The following CCDC192 variants were observed in gnomAD, a reference collection of about 807,000 sequenced individuals.
CCDC192 encodes coiled-coil domain containing 192.
chr5:127,894,616 GA>G (rs746989580), intron 6 of CCDC192, among the ~76,000 whole-genome samples: 1 of 152,144 alleles, frequency 6.6e-6, no homozygotes, highest in Non-Finnish European at 1.5e-5. Context: ...TATTCCCTTT[GA>G]AAATGAATAA....
intron 2 of CCDC192, among the ~76,000 whole-genome samples, chr5:127,752,361 A>C (rs1754240271): frequency 6.6e-6 from 1 of 152,070 alleles, no homozygotes. Flanking sequence ...GGTCTGTTGG[A>C]GTACCCTGCC....
intron 3 of CCDC192, among the ~76,000 whole-genome samples, chr5:127,794,050 T>A (rs1757026929): frequency 6.6e-6 from 1 of 152,222 alleles, no homozygotes. Flanking sequence ...GTGGGATAGC[T>A]GTAGTAGCAT....
intron 6 of CCDC192, among the ~76,000 whole-genome samples, chr5:127,910,321 G>A (rs1172369429): frequency 6.6e-6 from 1 of 152,168 alleles, no homozygotes; most frequent in African/African-American, 2.4e-5. Context: ...AATTGCAAAA[G>A]CTCAACACAC....
chr5:127,834,269 CAA>C (rs1323432260), intron 5 of CCDC192, among the ~76,000 whole-genome samples: 2 of 152,164 alleles, frequency 1.3e-5, no homozygotes, highest in African/African-American at 4.8e-5. Context: ...CCTAGAAACT[CAA>C]AGTCCTTTCC....
intron 5 of CCDC192, among the ~76,000 whole-genome samples, chr5:127,798,698 TATTTTTTATAC>T (rs1369139599): frequency 1.3e-5 from 2 of 151,288 alleles, no homozygotes; most frequent in Non-Finnish European, 2.9e-5. Context: ...TAAGTGACAT[TATTTTTTATAC>T]ATTTTTTATA....
At chr5:127,927,401 C>A (rs1753890720) in intron 6 of CCDC192, among the ~76,000 whole-genome samples, 1 of 152,112 alleles carries the variant, frequency 6.6e-6, no homozygotes, top group Non-Finnish European at 1.5e-5. Flanking sequence ...TTGGTACTAT[C>A]TGTGGTTGCA....
At chr5:127,879,893 A>G (rs921963576) in intron 6 of CCDC192, among the ~76,000 whole-genome samples, 1 of 149,878 alleles carries the variant, frequency 6.7e-6, no homozygotes, top group South Asian at 2.1e-4. Context: ...ATGAGATACC[A>G]TCTCACACCA....
chr5:127,859,879 A>G (rs1034258840), intron 5 of CCDC192, among the ~76,000 whole-genome samples: 1 of 152,130 alleles, frequency 6.6e-6, no homozygotes, highest in East Asian at 1.9e-4. Context: ...AGTTGTTTAC[A>G]TTCTTACTTG....
At chr5:127,894,274 G>T (rs977522912) in intron 6 of CCDC192, among the ~76,000 whole-genome samples, 7 of 145,304 alleles carry the variant, frequency 4.8e-5, no homozygotes, top group African/African-American at 1.8e-4. Context: ...CTCACTGCAA[G>T]CTCTGCCTCC....
chr5:127,837,854 G>A (rs1750097123), intron 5 of CCDC192, among the ~76,000 whole-genome samples: 1 of 152,122 alleles, frequency 6.6e-6, no homozygotes, highest in Non-Finnish European at 1.5e-5. Context: ...CAGGCATGGT[G>A]GTGCACGCCT....
intron 5 of CCDC192, among the ~76,000 whole-genome samples, chr5:127,806,672 GAACA>G (rs1348701369): frequency 6.6e-6 from 1 of 152,034 alleles, no homozygotes; most frequent in East Asian, 1.9e-4. Context: ...AATCGGATGG[GAACA>G]ATGTAAGACA....
intron 3 of CCDC192, among the ~76,000 whole-genome samples, chr5:127,780,245 CA>C (rs765703152): frequency 2.0e-5 from 3 of 152,094 alleles, no homozygotes; most frequent in Admixed American, 6.6e-5. Context: ...CACAATTTTG[CA>C]ATTGTGAATT....
intron 6 of CCDC192, among the ~76,000 whole-genome samples, chr5:127,888,982 G>A (rs1166154833): frequency 1.3e-5 from 2 of 150,868 alleles, no homozygotes; most frequent in African/African-American, 5.0e-5. Flanking sequence ...TGAAGCCAAA[G>A]GGAGGTAATT....
chr5:127,779,467 T>C (rs879455328), intron 3 of CCDC192, among the ~76,000 whole-genome samples: 8 of 151,548 alleles, frequency 5.3e-5, no homozygotes, highest in Non-Finnish European at 8.8e-5. Flanking sequence ...GGCTAATTTA[T>C]TGTATTTTTA....
Position 127,883,492 on chromosome 5 carries a change from A to G in CCDC192, c.535+7831A>G, listed in dbSNP as rs866335553. 8.5e-4 allele frequency among the ~76,000 whole-genome samples: 130 copies of G among 152,354 alleles called. 1 individual carries two copies. The highest frequency in any genetic ancestry group is 3.1e-3 in the African/African-American group (129 of 41,590). The stretch of plus-strand genomic sequence containing the variant: ...TAAAAAGTTAAATGTTAAAAAATCT[A>G]TAGGTCTCATTCAGAGATTGCCTGT... On this transcript the variant is annotated intron_variant, in intron 6 of 6. Coordinates refer to ENST00000514853, the MANE Select transcript of CCDC192 (RefSeq NM_001317938.2).
At chr5:127,847,959 G>T (rs1750635663) in intron 5 of CCDC192, among the ~76,000 whole-genome samples, 1 of 152,020 alleles carries the variant, frequency 6.6e-6, no homozygotes, top group African/African-American at 2.4e-5. Flanking sequence ...ACCACACCCA[G>T]CTAATTTTTG....
intron 3 of CCDC192, among the ~76,000 whole-genome samples, chr5:127,775,698 T>C (rs765157736): frequency 6.6e-6 from 1 of 152,226 alleles, no homozygotes; most frequent in Non-Finnish European, 1.5e-5. Flanking sequence ...CCAAATCTCA[T>C]CTTGATTTGT....
At chr5:127,786,170 C>A in intron 3 of CCDC192, 1 of 983,808 alleles carries the variant, frequency 1.0e-6, no homozygotes, top group Non-Finnish European at 1.6e-6. Flanking sequence ...TCAATGAGGA[C>A]TTTCTCACAT....
intron 2 of CCDC192, among the ~76,000 whole-genome samples, chr5:127,724,227 T>C (rs959772883): frequency 2.0e-5 from 3 of 152,232 alleles, no homozygotes; most frequent in African/African-American, 7.2e-5. Context: ...ATATCCTTCA[T>C]ATATTAAGGT....
Sources: gnomAD v4.1 joint callset for allele counts (sites outside exome capture counted in the v4.1 genomes callset) on GRCh38, gnomAD v4.1.1 for gene constraint, MANE v1.5 for transcripts, NCBI Gene and HGNC (gene_info 2026-07-23, HGNC 2026-07-21) for gene names.